The following LIMK1 variants were observed in gnomAD, a reference collection of about 807,000 sequenced individuals.
The protein encoded by LIMK1 is LIM domain kinase 1, also known as LIM motif-containing protein kinase.
LIMK1 carries 21 observed loss-of-function variants against 77.6 expected under a neutral mutation model. The ratio of observed to expected loss-of-function variants is 0.27; its 90% CI spans 0.19 to 0.39. LIMK1 has a LOEUF of 0.39. Ranked by LOEUF, LIMK1 falls within the 10% of genes least tolerant of loss-of-function variation. The pLI is 1.00. For synonymous variants in LIMK1, 358 were observed against 370.0 expected (o/e 0.97, Z 0.37); for missense variants, 696 against 901.6 (o/e 0.77, Z 2.92).
chr7:74,085,158 G>A (rs1799110970), intron 1 of LIMK1, among the ~76,000 whole-genome samples: 1 of 152,342 alleles, frequency 6.6e-6, no homozygotes, highest in South Asian at 2.1e-4. Flanking sequence ...TAGAGGAGGT[G>A]CCAGGCCTCC....
chr7:74,090,491 G>A (rs782016722), intron 2 of LIMK1, among the ~76,000 whole-genome samples: 1 of 152,128 alleles, frequency 6.6e-6, no homozygotes, highest in Admixed American at 6.6e-5. Context: ...GGTCCTCACC[G>A]CGTGACAGTG....
rs1799947029 is a variant in LIMK1, at chr7:74,121,847, C to T, written c.*546C>T. 6.5e-6 allele frequency: 1 copy of T among 153,256 alleles called. No individual in the cohort carries two copies. The highest frequency in any genetic ancestry group is 1.5e-5 in the Non-Finnish European group (1 of 68,630). The allele number at this position is 153,256 out of a possible 1,614,324, so 9.5% of individuals were successfully genotyped here. On this transcript the variant is annotated 3_prime_UTR_variant, in exon 16 of 16. Transcript: ENST00000336180. ...TAGGTAGCAACAGGTATCGAGGACTCTCCAAACCCCCAAAGCAGAGAGAGG... is the reference window on the plus strand; with the variant it reads ...TAGGTAGCAACAGGTATCGAGGACTTTCCAAACCCCCAAAGCAGAGAGAGG...
At chr7:74,096,894 A>G in intron 3 of LIMK1, 134 bp downstream of exon 3, 1 of 1,238,782 alleles carries the variant, frequency 8.1e-7, no homozygotes, top group Admixed American at 2.7e-5. Flanking sequence ...TCTGAGCCTG[A>G]CTGTCTGTCT....
At position 74,084,059 on chromosome 7, in the gene LIMK1, G is replaced by A; in HGVS notation, c.55+14G>A. 1 of 1,468,580 alleles carries A rather than the reference G, an allele frequency of 6.8e-7. No individual in the cohort carries two copies. Among genetic ancestry groups the A allele is most frequent in the Non-Finnish European group, 9.1e-7 (1 of 1,096,634 alleles). The allele number at this position is 1,468,580 out of a possible 1,614,324, so 91.0% of individuals were successfully genotyped here. A position where few individuals can be genotyped will look rare whatever the true frequency, so the allele number is the denominator to read the frequency against. ...TGGGAGAGGAAGGTGCGCGGGCCGCGGGGTGTGGGGCGAGGGCCTGGAGGG... is the reference window on the plus strand; with the variant it reads ...TGGGAGAGGAAGGTGCGCGGGCCGCAGGGTGTGGGGCGAGGGCCTGGAGGG... On this transcript the variant is annotated intron_variant, in intron 1 of 15. Coordinates refer to ENST00000336180, the MANE Select transcript of LIMK1 (RefSeq NM_002314.4).
chr7:74,091,729 G>A (rs1799240648), intron 2 of LIMK1, among the ~76,000 whole-genome samples: 1 of 152,126 alleles, frequency 6.6e-6, no homozygotes, highest in Non-Finnish European at 1.5e-5. Flanking sequence ...GTAGTGTCAG[G>A]TATTGGGGGA....
intron 13 of LIMK1, among the ~76,000 whole-genome samples, chr7:74,116,240 A>C (rs1799807765): frequency 6.6e-6 from 1 of 152,102 alleles, no homozygotes; most frequent in African/African-American, 2.4e-5. Context: ...TACTAAAAAT[A>C]CAAAAATTAG....
At chr7:74,103,011 G>A (rs957571757) in intron 5 of LIMK1, among the ~76,000 whole-genome samples, 3 of 152,022 alleles carry the variant, frequency 2.0e-5, no homozygotes, top group Non-Finnish European at 4.4e-5. Context: ...GAGATTACAG[G>A]CGTGCACCAT....
chr7:74,088,099 G>A (rs540946417), intron 2 of LIMK1, among the ~76,000 whole-genome samples: 8 of 152,214 alleles, frequency 5.3e-5, no homozygotes, highest in Admixed American at 2.0e-4. Flanking sequence ...TAGGAATAAC[G>A]TCTAACGTTT....
chr7:74,120,685 C>G, intron 14 of LIMK1, 47 bp downstream of exon 14: 1 of 1,596,542 alleles, frequency 6.3e-7, no homozygotes, highest in Non-Finnish European at 8.6e-7. Flanking sequence ...TGGGCTCCTC[C>G]CCACTCACCC....
At chr7:74,117,671 G>A (rs180681010) in intron 13 of LIMK1, among the ~76,000 whole-genome samples, 15 of 152,086 alleles carry the variant, frequency 9.9e-5, no homozygotes, top group African/African-American at 3.1e-4. Flanking sequence ...GGCATGTGGC[G>A]TGGTGCCTAA....
chr7:74,120,898 G>C lies in LIMK1; in HGVS notation c.1630G>C (p.Gly544Arg). The C allele has an allele frequency of 6.2e-7, 1 of 1,614,088 alleles. No homozygotes were observed. The highest frequency in any genetic ancestry group is 2.2e-5 in the East Asian group (1 of 44,870). Residue 544 changes from glycine to arginine, a missense_variant, in exon 15 of 16, where the codon GGG (glycine) becomes CGG (arginine). Transcript: ENST00000336180. ...SFGIVLCEII[G>R]RVNADPDYLP... ...CGGGCCTTGTACTGGACAGATCATC[G>C]GGCGGGTGAACGCAGACCCTGACTA...
intron 5 of LIMK1, among the ~76,000 whole-genome samples, chr7:74,103,392 C>T (rs563083506): frequency 6.6e-6 from 1 of 152,078 alleles, no homozygotes; most frequent in East Asian, 1.9e-4. Flanking sequence ...TACCTGCCCT[C>T]GCATTTGGGT....
Position 74,102,201 on chromosome 7 carries a change from G to A in LIMK1, c.608+2963G>A, listed in dbSNP as rs185106993. Among the ~76,000 whole-genome samples the A allele has an allele frequency of 2.2e-3, 337 of 151,574 alleles. 1 individual carries two copies. The highest frequency in any genetic ancestry group is 5.1e-3 in the Admixed American group (77 of 15,144). ...TGGTTTTTTTCAACTTTTCATCTTC[G>A]CATTTTGCAGATTTATAGAAAATTT... On this transcript the variant is annotated intron_variant, in intron 5 of 15. Coordinates refer to ENST00000336180, the MANE Select transcript of LIMK1 (RefSeq NM_002314.4).
At position 74,102,484 on chromosome 7, in the gene LIMK1, C is replaced by CTTTT. The variant is rs71094754; in HGVS notation, c.608+3261_608+3264dup. On this transcript the variant is annotated intron_variant, in intron 5 of 15. Transcript: ENST00000336180. ...GATATTCTCAAAAGAAGGACCTTCT[C>CTTTT]TTTTTTTTTTTTTTTTTTGGAGACA... Among the ~76,000 whole-genome samples, 154 of 54,060 alleles carry CTTTT rather than the reference C, an allele frequency of 2.8e-3. 33 individuals are homozygous for CTTTT. The highest frequency in any genetic ancestry group is 8.7e-3 in the East Asian group (11 of 1,264). 35.5% of individuals were successfully genotyped at this position (54,060 alleles called of 152,430 possible). A position where few individuals can be genotyped will look rare whatever the true frequency, so the allele number is the denominator to read the frequency against.
intron 1 of LIMK1, 105 bp downstream of exon 1, chr7:74,084,150 C>T (rs1380779598): frequency 4.3e-6 from 2 of 466,048 alleles, no homozygotes; most frequent in Non-Finnish European, 7.4e-6. Context: ...CCCCTGCCTC[C>T]TCCGGGATGA....
intron 12 of LIMK1, chr7:74,115,547 G>T: frequency 2.2e-6 from 1 of 450,074 alleles, no homozygotes; most frequent in South Asian, 3.5e-5. Context: ...GGGAGCAGGT[G>T]GGGAGGGGGC....
At chr7:74,098,467 G>A (rs1021092250) in intron 4 of LIMK1, among the ~76,000 whole-genome samples, 3 of 152,170 alleles carry the variant, frequency 2.0e-5, no homozygotes, top group South Asian at 2.1e-4. Context: ...GGATCACAGC[G>A]AGTAGACAGA....
intron 2 of LIMK1, among the ~76,000 whole-genome samples, chr7:74,089,859 TG>T (rs1188805180): frequency 2.0e-5 from 3 of 151,802 alleles, no homozygotes; most frequent in Non-Finnish European, 4.4e-5. Context: ...GGAAGAACTT[TG>T]GGGACCCCTG....
rs896482211 is a variant in LIMK1 at position 74,085,577 on chromosome 7, C to T, written c.56-171C>T. On this transcript the variant is annotated intron_variant, in intron 1 of 15. Coordinates refer to ENST00000336180, the MANE Select transcript of LIMK1 (RefSeq NM_002314.4). ...AGTATCTCAGCAAGACTCAGGCCAG[C>T]GCCCTTTCTTCTCCTATTTGGCACA... Among the ~76,000 whole-genome samples the T allele has an allele frequency of 7.9e-5, 12 of 152,350 alleles. No individual in the cohort carries two copies. In the Middle Eastern group the frequency reaches 0.01, roughly 130 times the overall value.
Sources: gnomAD v4.1 joint callset for allele counts (sites outside exome capture counted in the v4.1 genomes callset) on GRCh38, gnomAD v4.1.1 for gene constraint, MANE v1.5 for transcripts, NCBI Gene and HGNC (gene_info 2026-07-23, HGNC 2026-07-21) for gene names.